The following CCDC171 variants were observed in gnomAD, a reference collection of about 807,000 sequenced individuals.
CCDC171 encodes the protein coiled-coil domain-containing protein 171.
In CCDC171, 177 loss-of-function variants were observed where a neutral mutation model predicts 168.2. That is an observed-to-expected ratio of 1.05 (90% CI 0.93 to 1.19). The LOEUF (loss-of-function observed/expected upper bound fraction) is 1.19. Among genes scored for constraint, CCDC171 ranks in the 50% most tolerant of loss-of-function variants. CCDC171 has a pLI of 0.00. For missense variants in CCDC171, 1,991 were observed against 1,539.0 expected (o/e 1.29, Z -4.91); for synonymous variants, 687 against 540.8 (o/e 1.27, Z -3.75).
chr9:15,859,612 C>G (rs2061476713), intron 23 of CCDC171, among the ~76,000 whole-genome samples: 1 of 145,014 alleles, frequency 6.9e-6, no homozygotes, highest in Admixed American at 7.0e-5. Flanking sequence ...TCTGCCTTTC[C>G]CCCTCTGCCC....
chr9:15,933,562 A>G (rs995407025), intron 25 of CCDC171, among the ~76,000 whole-genome samples: 1 of 151,812 alleles, frequency 6.6e-6, no homozygotes, highest in African/African-American at 2.4e-5. Context: ...TTATTTTTCT[A>G]GTTCCTGGAG....
intron 10 of CCDC171, among the ~76,000 whole-genome samples, chr9:15,683,540 A>G (rs755707194): frequency 1.3e-5 from 2 of 152,032 alleles, no homozygotes; most frequent in Non-Finnish European, 2.9e-5. Context: ...GTTTTTGCTA[A>G]TATAAATATC....
intron 1 of CCDC171, among the ~76,000 whole-genome samples, chr9:15,561,011 G>C (rs995946090): frequency 8.5e-5 from 13 of 152,110 alleles, no homozygotes; most frequent in Non-Finnish European, 1.6e-4. Context: ...TGTTTGCCTG[G>C]ATATCACTAG....
intron 22 of CCDC171, 97 bp from the exon 23 acceptor site, chr9:15,848,796 G>T (rs2061006087): frequency 3.3e-6 from 2 of 608,320 alleles, no homozygotes; most frequent in Non-Finnish European, 2.9e-6. Context: ...AGTGATATCA[G>T]ACCCTTATTT....
the CCDC171 span, among the ~76,000 whole-genome samples, chr9:16,093,669 T>C: frequency 6.6e-6 from 1 of 152,204 alleles, no homozygotes; most frequent in Non-Finnish European, 1.5e-5. Context: ...TAAGGGTATG[T>C]GTGATAACTT....
chr9:16,006,836 G>C (rs1832712195), intron 3 of CCDC171, among the ~76,000 whole-genome samples: 1 of 152,130 alleles, frequency 6.6e-6, no homozygotes. Flanking sequence ...TATCATTGTT[G>C]GACATTTGGG....
At chr9:15,838,361 A>G (rs972970208) in intron 21 of CCDC171, among the ~76,000 whole-genome samples, 5 of 152,210 alleles carry the variant, frequency 3.3e-5, no homozygotes, top group Admixed American at 6.5e-5. Context: ...AGCTATGATG[A>G]TATAGCCAGA....
chr9:15,823,945 T>C (rs1479633994), intron 21 of CCDC171, among the ~76,000 whole-genome samples: 2 of 152,286 alleles, frequency 1.3e-5, no homozygotes, highest in East Asian at 1.9e-4. Flanking sequence ...CTTGAAAATA[T>C]GCATTCTTGT....
At chr9:16,004,510 C>G (rs932568193) in intron 3 of CCDC171, among the ~76,000 whole-genome samples, 2 of 152,174 alleles carry the variant, frequency 1.3e-5, no homozygotes, top group Non-Finnish European at 2.9e-5. Context: ...CTTCCTCAAC[C>G]TTGCATTGAT....
intron 7 of CCDC171, among the ~76,000 whole-genome samples, chr9:15,629,830 C>T (rs897594140): frequency 2.3e-4 from 35 of 152,116 alleles, no homozygotes; most frequent in African/African-American, 5.1e-4. Context: ...GTGGATCTCT[C>T]GGCAGAAACT....
chr9:15,609,990 T>C (rs1347274045), intron 6 of CCDC171, among the ~76,000 whole-genome samples: 1 of 152,188 alleles, frequency 6.6e-6, no homozygotes, highest in Non-Finnish European at 1.5e-5. Context: ...TTTACTCTTA[T>C]TTTCTGAGAG....
chr9:15,704,993 G>A (rs2052094703), intron 11 of CCDC171, among the ~76,000 whole-genome samples: 3 of 152,054 alleles, frequency 2.0e-5, no homozygotes, highest in Admixed American at 2.0e-4. Flanking sequence ...TATAGAGTAA[G>A]TTCTGGGGAT....
intron 11 of CCDC171, among the ~76,000 whole-genome samples, chr9:15,698,175 C>T (rs10448193): frequency 0.027 from 4,058 of 152,228 alleles, 74 homozygotes; most frequent in Non-Finnish European, 0.035. Context: ...CTAGTAACCA[C>T]CATTCTACTC....
chr9:15,811,738 G>A (rs1449529508), intron 21 of CCDC171, among the ~76,000 whole-genome samples: 4 of 152,178 alleles, frequency 2.6e-5, no homozygotes, highest in African/African-American at 7.2e-5. Context: ...AGTGGAAGAT[G>A]TGGAAGAATG....
intron 3 of CCDC171, among the ~76,000 whole-genome samples, chr9:15,988,644 G>A (rs1006903000): frequency 6.6e-6 from 1 of 152,238 alleles, no homozygotes; most frequent in African/African-American, 2.4e-5. Context: ...GCCTCACCCG[G>A]GAAGCACAAG....
intron 13 of CCDC171, 94 bp from the exon 14 acceptor site, chr9:15,724,682 C>A: frequency 1.4e-6 from 1 of 728,300 alleles, no homozygotes; most frequent in Non-Finnish European, 2.3e-6. Context: ...CATTTTAAAG[C>A]TTTGAAAATG....
intron 10 of CCDC171, among the ~76,000 whole-genome samples, chr9:15,679,828 A>G (rs2049917796): frequency 6.6e-6 from 1 of 152,200 alleles, no homozygotes; most frequent in South Asian, 2.1e-4. Flanking sequence ...GGATTAAGGC[A>G]TGAAGCACTG....
intron 6 of CCDC171, among the ~76,000 whole-genome samples, chr9:16,032,920 G>T (rs981692124): frequency 6.6e-6 from 1 of 152,304 alleles, no homozygotes; most frequent in Admixed American, 6.5e-5. Flanking sequence ...GGTTTAATGA[G>T]CTCTAAAAGC....
intron 9 of CCDC171, among the ~76,000 whole-genome samples, chr9:15,671,884 C>T (rs201974153): frequency 4.6e-5 from 7 of 152,132 alleles, no homozygotes; most frequent in Non-Finnish European, 7.4e-5. Context: ...GGGATCGCTG[C>T]GTCAAGTGGT....
Sources: allele counts gnomAD v4.1 joint callset (sites outside exome capture counted in the v4.1 genomes callset), GRCh38; gene constraint gnomAD v4.1.1; transcripts MANE v1.5; gene names NCBI Gene and HGNC (gene_info 2026-07-23, HGNC 2026-07-21).